The following ST18 variants were observed in gnomAD, a reference collection of about 807,000 sequenced individuals.
ST18 encodes ST18 C2H2C-type zinc finger transcription factor.
A neutral mutation model predicts 110.0 loss-of-function variants in ST18; 50 were observed. The ratio of observed to expected loss-of-function variants is 0.45; its 90% CI spans 0.36 to 0.58. The LOEUF (loss-of-function observed/expected upper bound fraction) is 0.58, where lower values mean the gene tolerates loss of function less well. Among genes scored for constraint, ST18 ranks in the 20% least tolerant of loss-of-function variants. The pLI, the probability that ST18 is intolerant of heterozygous loss-of-function variation, is 0.00. For missense variants in ST18, 1,306 were observed against 1,280.1 expected (o/e 1.02, Z -0.31); for synonymous variants, 461 against 452.4 (o/e 1.02, Z -0.24).
At position 52,132,139 on chromosome 8, in the gene ST18, C is replaced by G; in HGVS notation, c.2485G>C (p.Gly829Arg). The G allele has an allele frequency of 1.9e-6, 3 of 1,613,896 alleles. No individual in the cohort carries two copies. The highest frequency in any genetic ancestry group is 2.5e-6 in the Non-Finnish European group (3 of 1,180,010). ...IGCDGQGHIS[G>R]KYTSHRTASG... Reference sequence around the variant, plus strand: ...GCTGTGCGGTGTGATGTGTATTTACCTGATATGTGACCTTGGCCATCACAC... The same window carrying G: ...GCTGTGCGGTGTGATGTGTATTTACGTGATATGTGACCTTGGCCATCACAC... The change falls in exon 22 of 26, where the codon GGT becomes CGT. Residue 829 changes from glycine (G) to arginine (R), a missense_variant. Gly to Arg is a moderately radical substitution (Grantham distance 125). Transcript: ENST00000689386.
At position 52,172,504 on chromosome 8, in the gene ST18, G is replaced by A; in HGVS notation, c.357C>T (p.Tyr119=). The part of the protein sequence containing the change: ...QENSSRKEDR[Y]SCYQELMVKS... ...TGACCATGAGCTCTTGATAACAAGA[G>A]TATCTGTCTTCCTTCCTACTGGAGT... Residue 119 remains tyrosine, a synonymous_variant, in exon 10 of 26, where the codon TAC becomes TAT. Transcript: ENST00000689386. 1.2e-6 allele frequency: 2 copies of A among 1,613,574 alleles called. No individual in the cohort carries two copies. The highest frequency in any genetic ancestry group is 1.7e-6 in the Non-Finnish European group (2 of 1,179,950).
chr8:52,214,325 T>G lies in ST18; in HGVS notation c.1-68A>C, dbSNP rs1384709251. ...TGACCAAAATATGAAAACATGTAAT[T>G]AGAAGTTCTGAAGGTCATTATGAAA... On this transcript the variant is annotated intron_variant, in intron 6 of 25. Coordinates refer to ENST00000689386, the MANE Select transcript of ST18 (RefSeq NM_001352837.2). The G allele has an allele frequency of 3.2e-6, 5 of 1,541,760 alleles. No homozygotes were observed. The Admixed American group carries it at 8.4e-5, about 26-fold the overall frequency.
intron 10 of ST18, among the ~76,000 whole-genome samples, chr8:52,167,288 G>A (rs1324053668): frequency 1.3e-5 from 2 of 152,224 alleles, no homozygotes; most frequent in East Asian, 3.8e-4. Context: ...AATCAACCCT[G>A]TGCTAGGGGA....
intron 17 of ST18, among the ~76,000 whole-genome samples, chr8:52,140,596 A>G (rs1382117249): frequency 6.7e-6 from 1 of 150,020 alleles, no homozygotes; most frequent in African/African-American, 2.5e-5. Flanking sequence ...TAGATAGATA[A>G]AATGGATGAA....
intron 2 of ST18, among the ~76,000 whole-genome samples, chr8:52,281,258 C>G (rs2095370816): frequency 6.6e-6 from 1 of 151,808 alleles, no homozygotes; most frequent in Non-Finnish European, 1.5e-5. Context: ...GTTAAACAGC[C>G]AGTTTAAGAA....
chr8:52,192,807 C>T (rs553472616), intron 8 of ST18, among the ~76,000 whole-genome samples: 5 of 152,280 alleles, frequency 3.3e-5, no homozygotes, highest in African/African-American at 1.2e-4. Context: ...GGGGAGAATG[C>T]TTTCACTAGG....
At chr8:52,294,682 A>G (rs1589686064) in intron 2 of ST18, 1 of 152,394 alleles carries the variant, frequency 6.6e-6, no homozygotes, top group Middle Eastern at 3.4e-3. Context: ...GTGCTTTTCA[A>G]TGTATGCCCA....
At chr8:52,351,445 G>A (rs2140319796) in intron 2 of ST18, among the ~76,000 whole-genome samples, 1 of 152,246 alleles carries the variant, frequency 6.6e-6, no homozygotes. Context: ...AAGCTTAATT[G>A]CACACTGCAT....
intron 22 of ST18, among the ~76,000 whole-genome samples, chr8:52,129,610 G>A (rs966508931): frequency 6.6e-6 from 1 of 152,082 alleles, no homozygotes; most frequent in Admixed American, 6.6e-5. Context: ...AAAAGAAAGA[G>A]TATTCCACCT....
intron 2 of ST18, among the ~76,000 whole-genome samples, chr8:52,279,398 A>T (rs2095333126): frequency 6.6e-6 from 1 of 152,192 alleles, no homozygotes; most frequent in African/African-American, 2.4e-5. Flanking sequence ...AAAATATTAA[A>T]GTTATGAAAA....
At chr8:52,290,352 G>T (rs151027859) in intron 2 of ST18, among the ~76,000 whole-genome samples, 1 of 152,174 alleles carries the variant, frequency 6.6e-6, no homozygotes, top group Non-Finnish European at 1.5e-5. Flanking sequence ...TTGTGTTCCC[G>T]CAAAGGGAAA....
intron 17 of ST18, among the ~76,000 whole-genome samples, chr8:52,139,894 G>A (rs1025828153): frequency 2.0e-5 from 3 of 152,166 alleles, no homozygotes; most frequent in African/African-American, 4.8e-5. Flanking sequence ...ACTAAATTCC[G>A]AATCTACAGT....
chr8:52,134,369 T>C (rs1027390545), intron 19 of ST18, among the ~76,000 whole-genome samples: 1 of 152,028 alleles, frequency 6.6e-6, no homozygotes, highest in South Asian at 2.1e-4. Context: ...TTACGCAGAC[T>C]TTCACCTTTT....
At chr8:52,272,354 A>G (rs2095102719) in intron 2 of ST18, among the ~76,000 whole-genome samples, 1 of 147,996 alleles carries the variant, frequency 6.8e-6, no homozygotes, top group African/African-American at 2.7e-5. Context: ...AATAGTAAAA[A>G]AAAATCTAAT....
intron 4 of ST18, among the ~76,000 whole-genome samples, chr8:52,221,329 C>T (rs1190407372): frequency 3.3e-5 from 5 of 152,266 alleles, no homozygotes; most frequent in Non-Finnish European, 5.9e-5. Flanking sequence ...TTCTTTTTAA[C>T]GAGACCATCA....
Position 52,363,081 on chromosome 8 carries a change from G to A in ST18, c.-465+46247C>T, listed in dbSNP as rs181124706. On this transcript the variant is annotated intron_variant, in intron 2 of 25. Coordinates refer to ENST00000689386, the MANE Select transcript of ST18 (RefSeq NM_001352837.2). The stretch of plus-strand genomic sequence containing the variant: ...CAAAAAATTAGCCGGGCATGGTGGC[G>A]GGTGCCTGTAGTCACAGCTACTTGG... Among the ~76,000 whole-genome samples the A allele has an allele frequency of 7.7e-3, 1,172 of 152,240 alleles. 15 individuals are homozygous for A. The highest frequency in any genetic ancestry group is 0.027 in the African/African-American group (1,113 of 41,528).
intron 15 of ST18, among the ~76,000 whole-genome samples, chr8:52,156,718 C>T (rs775321764): frequency 2.0e-5 from 3 of 152,200 alleles, no homozygotes; most frequent in Admixed American, 6.5e-5. Flanking sequence ...GACATTGTTA[C>T]AGTTGTGTGC....
chr8:52,383,214 G>A (rs1281591246), intron 2 of ST18, among the ~76,000 whole-genome samples: 3 of 152,172 alleles, frequency 2.0e-5, no homozygotes, highest in Admixed American at 6.5e-5. Context: ...AAACAGGCAA[G>A]TGCAAGTTCT....
chr8:52,177,284 A>G (rs1047197058), intron 9 of ST18, among the ~76,000 whole-genome samples: 1 of 152,246 alleles, frequency 6.6e-6, no homozygotes, highest in East Asian at 1.9e-4. Context: ...TCTTTTTGAA[A>G]GACAGCAGGT....
Sources: gnomAD v4.1 joint callset for allele counts (sites outside exome capture counted in the v4.1 genomes callset) on GRCh38, gnomAD v4.1.1 for gene constraint, MANE v1.5 for transcripts, NCBI Gene and HGNC (gene_info 2026-07-23, HGNC 2026-07-21) for gene names.